The following CSMD1 variants were observed in gnomAD, a reference collection of about 807,000 sequenced individuals.
CSMD1 encodes CUB and Sushi multiple domains 1.
CSMD1 carries 213 observed loss-of-function variants against 417.5 expected under a neutral mutation model. The ratio of observed to expected loss-of-function variants is 0.51; its 90% CI spans 0.46 to 0.57. The LOEUF (loss-of-function observed/expected upper bound fraction) is 0.57, where lower values mean the gene tolerates loss of function less well. CSMD1 is among the 20% of genes least tolerant of loss of function. CSMD1 has a pLI of 0.00. For synonymous variants in CSMD1, 2,862 were observed against 1,736.8 expected, an observed-to-expected ratio of 1.65 and a Z score of -16.11; for missense variants, 6,923 against 4,529.7, an observed-to-expected ratio of 1.53 and a Z score of -15.17.
Position 4,403,812 on chromosome 8 carries a change from C to G in CSMD1, c.415+16141G>C, listed in dbSNP as rs1192225474. On this transcript the variant is annotated intron_variant, in intron 3 of 69. Coordinates refer to ENST00000635120, the MANE Select transcript of CSMD1 (RefSeq NM_033225.6). ...CCTGGACTTCAGCTTACATTTCTAG[C>G]TGCTCAAATGGCATCTGCCATTGGG... Among the ~76,000 whole-genome samples, 3 of 152,262 alleles carry G rather than the reference C, an allele frequency of 2.0e-5. No individual in the cohort carries two copies. The East Asian group carries it at 5.8e-4, about 29-fold the overall frequency.
Position 4,657,721 on chromosome 8 carries a change from G to GAA in CSMD1, c.86-20165_86-20164dup, listed in dbSNP as rs566573120. On this transcript the variant is annotated intron_variant, in intron 1 of 69. Coordinates refer to ENST00000635120, the MANE Select transcript of CSMD1 (RefSeq NM_033225.6). ...AATATGACCCACTCACAAAAGAAAT[G>GAA]AAAAAAAAAAAAACTCTCCCTGAAA... Among the ~76,000 whole-genome samples the GAA allele has an allele frequency of 9.4e-4, 112 of 118,966 alleles. 1 individual carries two copies. The highest frequency in any genetic ancestry group is 2.6e-3 in the Admixed American group (31 of 11,884). 78.0% of individuals were successfully genotyped at this position (118,966 alleles called of 152,430 possible).
intron 12 of CSMD1, among the ~76,000 whole-genome samples, chr8:3,415,126 T>C (rs73657866): frequency 0.019 from 2,847 of 152,334 alleles, 54 homozygotes; most frequent in East Asian, 0.096. Context: ...TACTAAATTG[T>C]ATTTTAATTG....
intron 5 of CSMD1, among the ~76,000 whole-genome samples, chr8:3,910,858 G>A (rs892390697): frequency 2.0e-5 from 3 of 152,092 alleles, no homozygotes; most frequent in African/African-American, 7.2e-5. Flanking sequence ...TGCCTTCCTT[G>A]GATGCAATGA....
intron 8 of CSMD1, among the ~76,000 whole-genome samples, chr8:3,605,009 T>C (rs553039537): frequency 2.6e-5 from 4 of 152,220 alleles, no homozygotes; most frequent in South Asian, 2.1e-4. Flanking sequence ...AAGAAAGCAG[T>C]TCTTTTGTTT....
intron 1 of CSMD1, among the ~76,000 whole-genome samples, chr8:4,731,866 T>C (rs1388880991): frequency 6.6e-6 from 1 of 152,190 alleles, no homozygotes; most frequent in Non-Finnish European, 1.5e-5. Context: ...GCTTTAGTAC[T>C]GTATTTTTAT....
At chr8:3,410,830 T>C (rs1243255770) in intron 12 of CSMD1, among the ~76,000 whole-genome samples, 1 of 152,118 alleles carries the variant, frequency 6.6e-6, no homozygotes, top group Non-Finnish European at 1.5e-5. Context: ...CTTCCAACTC[T>C]GGGGCTCGAG....
intron 2 of CSMD1, among the ~76,000 whole-genome samples, chr8:4,637,053 G>T (rs1422266121): frequency 6.6e-6 from 1 of 152,112 alleles, no homozygotes; most frequent in African/African-American, 2.4e-5. Flanking sequence ...GGACAAATAA[G>T]GGCACAAAAG....
At chr8:3,695,249 G>A (rs577833618) in intron 7 of CSMD1, among the ~76,000 whole-genome samples, 2 of 152,138 alleles carry the variant, frequency 1.3e-5, no homozygotes, top group Non-Finnish European at 2.9e-5. Flanking sequence ...TTGGAACATG[G>A]GCAAGGATAT....
intron 7 of CSMD1, among the ~76,000 whole-genome samples, chr8:3,687,886 C>A (rs1255674857): frequency 1.3e-5 from 2 of 152,346 alleles, no homozygotes; most frequent in South Asian, 4.1e-4. Flanking sequence ...GTACTGATGA[C>A]CTGGGGACAG....
intron 1 of CSMD1, among the ~76,000 whole-genome samples, chr8:4,788,849 A>G (rs1407333996): frequency 1.3e-5 from 2 of 152,046 alleles, no homozygotes; most frequent in Non-Finnish European, 2.9e-5. Context: ...TGACACAGAA[A>G]CTCTCCCTGC....
chr8:4,895,657 C>CT (rs1272397226), intron 1 of CSMD1, among the ~76,000 whole-genome samples: 2 of 151,524 alleles, frequency 1.3e-5, no homozygotes, highest in Non-Finnish European at 2.9e-5. Context: ...GATGAGGCTC[C>CT]TTTTTCCAAA....
At chr8:2,998,224 C>T (rs754336278) in intron 53 of CSMD1, 40 bp from the exon 54 acceptor site, 1 of 1,587,958 alleles carries the variant, frequency 6.3e-7, no homozygotes, top group South Asian at 1.1e-5. Context: ...AAATATTGAA[C>T]AGGTCATCAC....
chr8:3,739,070 C>G (rs1205900606), intron 6 of CSMD1, among the ~76,000 whole-genome samples: 1 of 152,176 alleles, frequency 6.6e-6, no homozygotes, highest in East Asian at 1.9e-4. Flanking sequence ...TCACCTGACA[C>G]AGGTTTAATT....
intron 3 of CSMD1, among the ~76,000 whole-genome samples, chr8:4,357,972 G>C (rs1012685782): frequency 1.3e-5 from 2 of 152,060 alleles, no homozygotes; most frequent in African/African-American, 2.4e-5. Context: ...ATGAGACTCA[G>C]TTTAAGATGT....
intron 1 of CSMD1, among the ~76,000 whole-genome samples, chr8:4,856,585 T>C (rs1801813765): frequency 7.1e-6 from 1 of 141,346 alleles, no homozygotes. Context: ...ACCAAGCCAA[T>C]GGAAAACAAA....
At chr8:4,623,524 T>C (rs1487809938) in intron 2 of CSMD1, among the ~76,000 whole-genome samples, 1 of 151,998 alleles carries the variant, frequency 6.6e-6, no homozygotes, top group Non-Finnish European at 1.5e-5. Flanking sequence ...AAGACTTTTA[T>C]GCAAATAATC....
intron 1 of CSMD1, among the ~76,000 whole-genome samples, chr8:4,958,945 C>T (rs947044879): frequency 6.6e-6 from 1 of 152,054 alleles, no homozygotes; most frequent in African/African-American, 2.4e-5. Context: ...GCCTTTGCTT[C>T]CTTAGGTCTT....
intron 11 of CSMD1, among the ~76,000 whole-genome samples, chr8:3,478,335 C>T (rs758317331): frequency 6.6e-6 from 1 of 152,210 alleles, no homozygotes; most frequent in South Asian, 2.1e-4. Context: ...TTGACTAAAG[C>T]CCAACGTGAT....
intron 4 of CSMD1, among the ~76,000 whole-genome samples, chr8:4,010,166 T>G (rs1480825589): frequency 6.6e-6 from 1 of 152,162 alleles, no homozygotes; most frequent in Non-Finnish European, 1.5e-5. Context: ...GCCAATGTTT[T>G]ACATCTGTAG....
Sources: allele counts gnomAD v4.1 joint callset (sites outside exome capture counted in the v4.1 genomes callset), GRCh38; gene constraint gnomAD v4.1.1; transcripts MANE v1.5; gene names NCBI Gene and HGNC (gene_info 2026-07-23, HGNC 2026-07-21).